SAE1: variants seen among roughly 807,000 people sequenced by gnomAD.
SAE1 encodes SUMO1 activating enzyme subunit 1, also known as SUMO-activating enzyme subunit 1.
SAE1 carries 11 observed loss-of-function variants against 40.6 expected under a neutral mutation model. That is an observed-to-expected ratio of 0.27 (90% CI 0.17 to 0.45). The LOEUF is 0.45. Ranked by LOEUF, SAE1 falls within the 20% of genes least tolerant of loss-of-function variation. The probability of loss-of-function intolerance (pLI) is 1.00; values close to 1 mark genes in which losing one functional copy is unlikely to be tolerated. For missense variants in SAE1, 373 were observed against 427.3 expected (o/e 0.87, Z 1.12); for synonymous variants, 155 against 154.3 (o/e 1.00, Z -0.03).
intron 6 of SAE1, among the ~76,000 whole-genome samples, chr19:47,185,285 ATTTT>A (rs996848960): frequency 2.6e-5 from 4 of 151,288 alleles, no homozygotes; most frequent in Middle Eastern, 6.9e-3. Flanking sequence ...CAAAATCTGA[ATTTT>A]TTTTTATTTT....
chr19:47,180,591 G>A (rs1246829421), intron 6 of SAE1, among the ~76,000 whole-genome samples: 2 of 152,062 alleles, frequency 1.3e-5, no homozygotes, highest in Non-Finnish European at 2.9e-5. Flanking sequence ...AGAGGCTGAG[G>A]CAAATTGATC....
chr19:47,182,515 G>GCGCA (rs2058515968), intron 6 of SAE1, among the ~76,000 whole-genome samples: 1 of 151,160 alleles, frequency 6.6e-6, no homozygotes, highest in African/African-American at 2.4e-5. Context: ...GCACGCGCGC[G>GCGCA]CGCACACCAC....
chr19:47,179,333 CTGTCTCTACTAAAGT>C (rs2058491385), intron 6 of SAE1, among the ~76,000 whole-genome samples: 1 of 151,756 alleles, frequency 6.6e-6, no homozygotes, highest in Non-Finnish European at 1.5e-5. Context: ...TGGTGAAACC[CTGTCTCTACTAAAGT>C]ACAAAAAAAT....
intron 2 of SAE1, among the ~76,000 whole-genome samples, chr19:47,145,182 A>C (rs540250206): frequency 6.6e-6 from 1 of 152,094 alleles, no homozygotes; most frequent in African/African-American, 2.4e-5. Context: ...TAACGTTTTT[A>C]GTAGAGACCG....
Position 47,169,850 on chromosome 19 carries a change from G to A in SAE1, c.660G>A (p.Leu220=), listed in dbSNP as rs1367090820. 2 of 1,614,022 alleles carry A rather than the reference G, an allele frequency of 1.2e-6. No homozygotes were observed. Among genetic ancestry groups the A allele is most frequent in the Non-Finnish European group, 1.7e-6 (2 of 1,179,976 alleles). ...TCTTCTGCCCTGTTAAAGAAGCCCT[G>A]GAGGTGGACTGGAGCAGTGAGAAAG... is the stretch of plus-strand genomic sequence containing the variant. ...KVVFCPVKEA[L]EVDWSSEKAK... is the part of the protein sequence containing the mutation. The change falls in exon 6 of 9, where the codon CTG becomes CTA. Residue 220 remains leucine (L), a synonymous_variant. Transcript: ENST00000270225.
chr19:47,207,299 G>A (rs980514706), intron 8 of SAE1, among the ~76,000 whole-genome samples: 8 of 152,174 alleles, frequency 5.3e-5, no homozygotes, highest in African/African-American at 1.4e-4. Context: ...AACACTATTT[G>A]TATATGGTAG....
intron 7 of SAE1, among the ~76,000 whole-genome samples, chr19:47,201,306 G>A (rs1056208930): frequency 5.6e-5 from 8 of 142,366 alleles, no homozygotes; most frequent in Admixed American, 2.9e-4. Flanking sequence ...CTTGGCCTCC[G>A]AAAGTGCTGG....
chr19:47,205,650 T>A (rs965044030), intron 8 of SAE1, among the ~76,000 whole-genome samples: 1 of 152,046 alleles, frequency 6.6e-6, no homozygotes, highest in Non-Finnish European at 1.5e-5. Flanking sequence ...GGAATGTACA[T>A]ATTTTTGTAG....
chr19:47,134,922 G>C lies in SAE1; in HGVS notation c.98+3894G>C, dbSNP rs560601891. Among the ~76,000 whole-genome samples, 3 of 152,240 alleles carry C rather than the reference G, an allele frequency of 2.0e-5. No homozygotes were observed. The South Asian group carries it at 6.2e-4, about 32-fold the overall frequency. On this transcript the variant is annotated intron_variant, in intron 1 of 8. Coordinates refer to ENST00000270225, the MANE Select transcript of SAE1 (RefSeq NM_005500.3). ...ACATGAAAAGGATTGGCTGGGGGTT[G>C]CAGGAGGGAGGGAAGAGGTTGTTTG... is the stretch of plus-strand genomic sequence containing the variant.
intron 2 of SAE1, 62 bp downstream of exon 2, chr19:47,143,667 CA>C (rs1196878227): frequency 1.2e-5 from 15 of 1,283,256 alleles, no homozygotes; most frequent in Non-Finnish European, 1.5e-5. Flanking sequence ...TGAAGATCTG[CA>C]GATTTTGTGA....
Position 47,209,273 on chromosome 19 carries a change from GAGA to G in SAE1, c.*23_*25del. The G allele has an allele frequency of 6.2e-7, 1 of 1,614,148 alleles. No homozygotes were observed. The highest frequency in any genetic ancestry group is 1.1e-5 in the South Asian group (1 of 91,080). On this transcript the variant is annotated 3_prime_UTR_variant, in exon 9 of 9. Coordinates refer to ENST00000270225, the MANE Select transcript of SAE1 (RefSeq NM_005500.3). ...GTGAACTCAAGATTTGGCAGCCCCA[GAGA>G]TGCCAACTGCAGCATGCCCACCTGT...
intron 6 of SAE1, among the ~76,000 whole-genome samples, chr19:47,182,375 A>G (rs1375470955): frequency 6.6e-6 from 1 of 152,074 alleles, no homozygotes; most frequent in Non-Finnish European, 1.5e-5. Flanking sequence ...GGGTTCCGAT[A>G]ATGGGGCAGC....
chr19:47,198,920 C>T (rs573210372), intron 7 of SAE1, among the ~76,000 whole-genome samples: 1 of 152,070 alleles, frequency 6.6e-6, no homozygotes, highest in African/African-American at 2.4e-5. Flanking sequence ...AACCCTGTCT[C>T]TACAAAAAAT....
chr19:47,199,501 A>T (rs2058639073), intron 7 of SAE1, among the ~76,000 whole-genome samples: 2 of 151,758 alleles, frequency 1.3e-5, no homozygotes, highest in Admixed American at 1.3e-4. Flanking sequence ...GGAAGGAACC[A>T]CTTTGGAGAG....
intron 4 of SAE1, among the ~76,000 whole-genome samples, chr19:47,153,418 T>G (rs977216013): frequency 2.8e-4 from 42 of 152,230 alleles, no homozygotes; most frequent in African/African-American, 9.6e-4. Context: ...CTGCAGAACT[T>G]GGTAATTCTT....
intron 6 of SAE1, among the ~76,000 whole-genome samples, chr19:47,173,643 C>T (rs1010664637): frequency 6.6e-6 from 1 of 152,176 alleles, no homozygotes; most frequent in South Asian, 2.1e-4. Context: ...CTATCCTCTA[C>T]TCACTAGATG....
intron 1 of SAE1, among the ~76,000 whole-genome samples, chr19:47,143,055 T>G (rs1291141409): frequency 6.6e-6 from 1 of 152,200 alleles, no homozygotes; most frequent in Non-Finnish European, 1.5e-5. Context: ...GATTAGAGCC[T>G]GTCTCTTTCC....
intron 1 of SAE1, among the ~76,000 whole-genome samples, chr19:47,132,523 C>G (rs929141381): frequency 6.6e-6 from 1 of 151,600 alleles, no homozygotes; most frequent in Admixed American, 6.6e-5. Flanking sequence ...GATCTCCCCC[C>G]ATCTCAGACT....
chr19:47,206,503 G>C (rs1051453381), intron 8 of SAE1, among the ~76,000 whole-genome samples: 2 of 152,066 alleles, frequency 1.3e-5, no homozygotes, highest in African/African-American at 4.8e-5. Context: ...CCTTTCTTAC[G>C]TCCTTCTAGA....
Sources: allele counts gnomAD v4.1 joint callset (sites outside exome capture counted in the v4.1 genomes callset), GRCh38; gene constraint gnomAD v4.1.1; transcripts MANE v1.5; gene names NCBI Gene and HGNC (gene_info 2026-07-23, HGNC 2026-07-21).